ALG13: variants seen among roughly 807,000 people sequenced by gnomAD.
ALG13 encodes the protein UDP-N-acetylglucosamine transferase subunit ALG13.
ALG13 carries 11 observed loss-of-function variants against 87.8 expected under a neutral mutation model. The observed-to-expected ratio is 0.13, with a 90% CI of 0.08 to 0.21. The LOEUF (loss-of-function observed/expected upper bound fraction) is 0.21. Among genes scored for constraint, ALG13 ranks in the 10% least tolerant of loss-of-function variants. The pLI, the probability that ALG13 is intolerant of heterozygous loss-of-function variation, is 1.00. For missense variants in ALG13, 756 were observed against 866.1 expected, an observed-to-expected ratio of 0.87 and a Z score of 1.60; for synonymous variants, 320 against 306.3, an observed-to-expected ratio of 1.04 and a Z score of -0.47.
intron 24 of ALG13, among the ~76,000 whole-genome samples, chrX:111,746,711 T>C (rs1462604596): frequency 8.9e-6 from 1 of 112,138 alleles, no homozygotes; most frequent in Non-Finnish European, 1.9e-5. Flanking sequence ...AGCAGTGGAA[T>C]TGCTGGGTCA....
intron 14 of ALG13, 69 bp from the exon 15 acceptor site, chrX:111,724,865 G>C: frequency 9.3e-7 from 1 of 1,074,975 alleles, no homozygotes; most frequent in Non-Finnish European, 1.3e-6. Context: ...TAAGGGGTGG[G>C]ATACGTGTAT....
chrX:111,728,523 T>C (rs1442811235), intron 19 of ALG13, among the ~76,000 whole-genome samples: 1 of 111,842 alleles, frequency 8.9e-6, no homozygotes, highest in Non-Finnish European at 1.9e-5. Flanking sequence ...TACATTGTTA[T>C]AACTTGTTTT....
intron 19 of ALG13, among the ~76,000 whole-genome samples, chrX:111,729,171 T>C (rs1942401287): frequency 9.0e-6 from 1 of 111,398 alleles, no homozygotes; most frequent in South Asian, 3.8e-4. Flanking sequence ...TGCTGGACAT[T>C]TTTTATAATT....
intron 21 of ALG13, among the ~76,000 whole-genome samples, chrX:111,731,752 G>A (rs764410527): frequency 6.9e-4 from 77 of 111,959 alleles, no homozygotes; most frequent in African/African-American, 2.0e-3. Flanking sequence ...CTTTTCTATA[G>A]ATATACTACT....
chrX:111,703,184 TGTC>T (rs1373489971), intron 3 of ALG13, among the ~76,000 whole-genome samples: 6 of 108,389 alleles, frequency 5.5e-5, no homozygotes, highest in South Asian at 3.9e-4. Context: ...TTTTTTATAT[TGTC>T]ATCATCATCA....
At position 111,685,070 on chromosome X, in the gene ALG13, A is replaced by T. The variant is rs754497897; in HGVS notation, c.350A>T (p.His117Leu). The change falls in exon 3 of 27, where the codon CAC becomes CTC. Residue 117 changes from histidine to leucine, a missense_variant. Around this residue, in one of 9 missense-constraint regions of ALG13, gnomAD observed 153 missense variants for 168.7 expected, o/e 0.91. Transcript: ENST00000394780. ...NHQLELAKQL[H>L]KEGHLFYCTC... ...CAGCTGGAACTGGCAAAGCAGCTAC[A>T]CAAAGAGGGTCATCTCTTCTATTGT... 5.8e-6 allele frequency: 7 copies of T among 1,210,841 alleles called. No individual in the cohort carries two copies. The Admixed American group carries it at 1.5e-4, about 26-fold the overall frequency.
chrX:111,683,020 A>G (rs751356141), intron 2 of ALG13, among the ~76,000 whole-genome samples: 35 of 108,734 alleles, frequency 3.2e-4, no homozygotes, highest in African/African-American at 1.1e-3. Flanking sequence ...TTTTTTTTTT[A>G]AAGTCTAGTT....
chrX:111,735,232 T>C, intron 22 of ALG13, 110 bp downstream of exon 22: 1 of 499,548 alleles, frequency 2.0e-6, no homozygotes, highest in East Asian at 3.7e-5. Context: ...TTTGTTCCTT[T>C]AGGTATTATT....
At chrX:111,683,540 T>C (rs1277000582) in intron 2 of ALG13, among the ~76,000 whole-genome samples, 1 of 108,485 alleles carries the variant, frequency 9.2e-6, no homozygotes, top group Non-Finnish European at 1.9e-5. Context: ...GGTTTCACCG[T>C]GTTGCCCAGG....
At chrX:111,728,095 G>C (rs1942261760) in intron 18 of ALG13, 90 bp from the exon 19 acceptor site, 2 of 1,132,707 alleles carry the variant, frequency 1.8e-6, no homozygotes, top group Middle Eastern at 3.2e-4. Flanking sequence ...TGTTAGGCTA[G>C]TTTTTAAACT....
In ALG13 at chrX:111,718,016, T is replaced by C. The variant is rs1000153165; in HGVS notation, c.1087+89T>C. ...ACCATGAATAGCCCCTTTAAAACCTTGTTGGTACCTATTTGCACGCAGGAT... is the reference window on the plus strand; with the variant it reads ...ACCATGAATAGCCCCTTTAAAACCTCGTTGGTACCTATTTGCACGCAGGAT... On this transcript the variant is annotated intron_variant, in intron 9 of 26. Transcript: ENST00000394780. The C allele has an allele frequency of 5.6e-6, 6 of 1,068,072 alleles. No homozygotes were observed. The African/African-American group carries it at 1.1e-4, about 20-fold the overall frequency. 88.0% of individuals were successfully genotyped at this position (1,068,072 alleles called of 1,213,427 possible).
intron 15 of ALG13, 69 bp downstream of exon 15, chrX:111,725,130 C>T (rs1941833657): frequency 8.9e-7 from 1 of 1,124,369 alleles, no homozygotes; most frequent in Non-Finnish European, 1.2e-6. Flanking sequence ...CTGCATTGTA[C>T]TATTTTTTAA....
chrX:111,729,475 T>C (rs1176866077), intron 19 of ALG13, among the ~76,000 whole-genome samples: 2 of 111,461 alleles, frequency 1.8e-5, no homozygotes, highest in Non-Finnish European at 3.8e-5. Context: ...ACTTTGTACG[T>C]GTGTGCATGC....
intron 3 of ALG13, among the ~76,000 whole-genome samples, chrX:111,698,266 A>G (rs1250370866): frequency 8.9e-6 from 1 of 112,185 alleles, no homozygotes; most frequent in Non-Finnish European, 1.9e-5. Flanking sequence ...ACAATTGTAT[A>G]TGCATTTATA....
chrX:111,751,703 A>T (rs1225180563), intron 24 of ALG13, among the ~76,000 whole-genome samples: 1 of 111,790 alleles, frequency 8.9e-6, no homozygotes, highest in East Asian at 2.8e-4. Context: ...CCTATATAAT[A>T]GTCAAAATAC....
At chrX:111,681,488 C>T (rs944156562) in intron 1 of ALG13, 189 bp downstream of exon 1, 204 of 1,047,534 alleles carry the variant, frequency 1.9e-4, no homozygotes, top group Non-Finnish European at 2.3e-4. Context: ...GCTACCCGGC[C>T]ACTCGGGGTT....
Position 111,689,840 on chromosome X carries a change from C to T in ALG13, c.383+4737C>T, listed in dbSNP as rs757420449. On this transcript the variant is annotated intron_variant, in intron 3 of 26. Transcript: ENST00000394780. ...TTGCCTAGTGTTCATTTTAGTTACT[C>T]GAATTCCTTGCAAGGTAGGTTTTGT... 29 of 751,275 alleles carry T rather than the reference C, an allele frequency of 3.9e-5. No individual in the cohort carries two copies. The African/African-American group carries it at 4.4e-4, about 11-fold the overall frequency. The allele number at this position is 751,275 out of a possible 1,213,427, so 61.9% of individuals were successfully genotyped here. A position where few individuals can be genotyped will look rare whatever the true frequency, so the allele number is the denominator to read the frequency against.
rs774646647 is a variant in ALG13 at position 111,708,184 on chromosome X, A to G, written c.541A>G (p.Thr181Ala). 7 of 1,209,209 alleles carry G rather than the reference A, an allele frequency of 5.8e-6. No homozygotes were observed. The East Asian group carries it at 1.8e-4, about 31-fold the overall frequency. Residue 181 changes from threonine to alanine, a missense_variant, in exon 4 of 27, where the codon ACC (threonine) becomes GCC (alanine). Thr to Ala is a moderately conservative substitution (Grantham distance 58). Transcript: ENST00000394780. ...AGCCCTTGTTACTGCTACCCATCCTACCTGCACCCTGCTTTTTCCCTCTTG... is the reference window on the plus strand; with the variant it reads ...AGCCCTTGTTACTGCTACCCATCCTGCCTGCACCCTGCTTTTTCCCTCTTG... Reference protein sequence around the residue: ...KQALVTATHPTCTLLFPSCHA... With the variant: ...KQALVTATHPACTLLFPSCHA...
Position 111,725,017 on chromosome X carries a change from G to T in ALG13, c.1685G>T (p.Gly562Val). 5.8e-6 allele frequency: 7 copies of T among 1,211,370 alleles called. No individual in the cohort carries two copies. The highest frequency in any genetic ancestry group is 7.8e-6 in the Non-Finnish European group (7 of 895,124). ...TGGAATGCTATGCCCAGTCGGAAAG[G>T]AAGAGGTTACCAGAAAATGCCTGGG... The part of the protein sequence containing the change: ...PAWNAMPSRK[G>V]RGYQKMPGGY... Residue 562 changes from glycine to valine, a missense_variant, in exon 15 of 27, where the codon GGA becomes GTA. Physicochemically the swap from Gly to Val is moderately radical, Grantham distance 109. Coordinates refer to ENST00000394780, the MANE Select transcript of ALG13 (RefSeq NM_001099922.3).
Sources: gnomAD v4.1 joint callset for allele counts (sites outside exome capture counted in the v4.1 genomes callset) on GRCh38, gnomAD v4.1.1 for gene constraint, gnomAD v4.1.1 regional missense constraint, MANE v1.5 for transcripts, NCBI Gene and HGNC (gene_info 2026-07-23, HGNC 2026-07-21) for gene names.